PDCD4: variants seen among roughly 807,000 people sequenced by gnomAD.
PDCD4 encodes the protein programmed cell death 4.
A neutral mutation model predicts 54.0 loss-of-function variants in PDCD4; 56 were observed. The observed-to-expected ratio is 1.04, with a 90% confidence interval of 0.84 to 1.30. The LOEUF (loss-of-function observed/expected upper bound fraction) is 1.30, where lower values mean the gene tolerates loss of function less well. Ranked by LOEUF, PDCD4 falls within the 50% of genes most tolerant of loss-of-function variation. The probability of loss-of-function intolerance (pLI) is 0.00; values close to 1 mark genes in which losing one functional copy is unlikely to be tolerated. For synonymous variants in PDCD4, 186 were observed against 194.8 expected (o/e 0.95, Z 0.37); for missense variants, 584 against 559.8 (o/e 1.04, Z -0.44).
rs147711986 is a variant in PDCD4 at position 110,883,402 on chromosome 10, T to C, written c.441+305T>C. On this transcript the variant is annotated intron_variant, in intron 4 of 11. Coordinates refer to ENST00000280154, the MANE Select transcript of PDCD4 (RefSeq NM_014456.5). ...TCTTTTGAATATTATGAGTTACAGA[T>C]ATTAGATTCCTTTTAAATATTACTG... Among the ~76,000 whole-genome samples the C allele has an allele frequency of 1.4e-4, 22 of 152,342 alleles. 1 individual carries two copies. The East Asian group carries it at 4.2e-3, about 29-fold the overall frequency.
intron 1 of PDCD4, among the ~76,000 whole-genome samples, chr10:110,872,556 G>T (rs1845431289): frequency 6.6e-6 from 1 of 152,174 alleles, no homozygotes; most frequent in East Asian, 1.9e-4. Flanking sequence ...TCCGGGGGCC[G>T]ACCCGGGCTG....
In PDCD4 at chr10:110,881,480, A is replaced by C; in HGVS notation, c.291A>C (p.Gly97=). 1 of 1,614,080 alleles carries C rather than the reference A, an allele frequency of 6.2e-7. No homozygotes were observed. Among genetic ancestry groups the C allele is most frequent in the Non-Finnish European group, 8.5e-7 (1 of 1,179,960 alleles). Residue 97 remains glycine (G), a synonymous_variant, in exon 3 of 12, where the codon GGA becomes GGC. Coordinates refer to ENST00000280154, the MANE Select transcript of PDCD4 (RefSeq NM_014456.5). ...SGLTVPTSPK[G]RLLDRRSRSG... ...TAACTGTGCCAACCAGTCCAAAGGG[A>C]AGGTTGCTGGATAGGCGATCCAGAT... is the stretch of plus-strand genomic sequence containing the variant.
chr10:110,889,688 C>A, intron 7 of PDCD4, 58 bp downstream of exon 7: 1 of 938,782 alleles, frequency 1.1e-6, no homozygotes, highest in South Asian at 1.4e-5. Context: ...TCTACAGGAT[C>A]CTATTGAAAT....
Position 110,890,662 on chromosome 10 carries a change from G to A in PDCD4, c.982G>A (p.Val328Ile), listed in dbSNP as rs1436162730. Residue 328 changes from valine to isoleucine, a missense_variant, in exon 8 of 12, where the codon GTT becomes ATT. Val to Ile is a conservative substitution (Grantham distance 29, BLOSUM62 3). Coordinates refer to ENST00000280154, the MANE Select transcript of PDCD4 (RefSeq NM_014456.5). The stretch of plus-strand genomic sequence containing the variant: ...TGGGCAGCAATCTGTCAATCACCTT[G>A]TTAAAGAGGTAATGATTGGGTATTG... ...GGGQQSVNHL[V>I]KEIDMLLKEY... is the part of the protein sequence containing the mutation. The A allele has an allele frequency of 1.3e-6, 2 of 1,586,476 alleles. No individual in the cohort carries two copies. Among genetic ancestry groups the A allele is most frequent in the Admixed American group, 1.7e-5 (1 of 59,770 alleles).
chr10:110,896,184 T>G, intron 11 of PDCD4, 97 bp downstream of exon 11: 1 of 870,600 alleles, frequency 1.1e-6, no homozygotes, highest in Non-Finnish European at 1.8e-6. Flanking sequence ...CTGAAGTCAC[T>G]GAAGAACGTG....
At chr10:110,880,820 A>C (rs1371510926) in intron 2 of PDCD4, among the ~76,000 whole-genome samples, 3 of 152,328 alleles carry the variant, frequency 2.0e-5, no homozygotes, top group African/African-American at 7.2e-5. Context: ...TTCTATAAAT[A>C]TTAGTTTATC....
At position 110,899,576 on chromosome 10, in the gene PDCD4, T is replaced by A. The variant is rs974284621; in HGVS notation, c.*1488T>A. Reference sequence around the variant, plus strand: ...ACTTTGGGAGGCCGAGGTGGGCGGATCACTTGAGGTTGGGAGTTCATGACC... The same window carrying A: ...ACTTTGGGAGGCCGAGGTGGGCGGAACACTTGAGGTTGGGAGTTCATGACC... On this transcript the variant is annotated 3_prime_UTR_variant, in exon 12 of 12. Coordinates refer to ENST00000280154, the MANE Select transcript of PDCD4 (RefSeq NM_014456.5). The A allele has an allele frequency of 1.3e-5, 2 of 152,284 alleles. No homozygotes were observed. Among genetic ancestry groups the A allele is most frequent in the Admixed American group, 6.5e-5 (1 of 15,278 alleles). 9.4% of individuals were successfully genotyped at this position (152,284 alleles called of 1,614,324 possible). A position where few individuals can be genotyped will look rare whatever the true frequency, so the allele number is the denominator to read the frequency against.
intron 1 of PDCD4, among the ~76,000 whole-genome samples, chr10:110,874,911 C>T (rs1313288239): frequency 2.6e-5 from 4 of 152,148 alleles, no homozygotes; most frequent in Non-Finnish European, 1.5e-5. Flanking sequence ...ATGTGCTTTT[C>T]TGTAATTAAT....
Position 110,898,152 on chromosome 10 carries a change from G to C in PDCD4, c.*64G>C, listed in dbSNP as rs763911359. 1.6e-6 allele frequency: 1 copy of C among 626,068 alleles called. No individual in the cohort carries two copies. The highest frequency in any genetic ancestry group is 2.3e-6 in the Non-Finnish European group (1 of 440,304). The allele number at this position is 626,068 out of a possible 1,614,324, so 38.8% of individuals were successfully genotyped here. A position where few individuals can be genotyped will look rare whatever the true frequency, so the allele number is the denominator to read the frequency against. ...TATATCTGAATTGTAAGAGTTGTTA[G>C]CACAAGTTTTTTTTTTTTTTTTTTT... On this transcript the variant is annotated 3_prime_UTR_variant, in exon 12 of 12. Coordinates refer to ENST00000280154, the MANE Select transcript of PDCD4 (RefSeq NM_014456.5).
rs1443368239 is a variant in PDCD4 at position 110,894,100 on chromosome 10, C to G, written c.1000C>G (p.Leu334Val). The part of the protein sequence containing the change: ...VNHLVKEIDM[L>V]LKEYLLSGDI... ...CTTTTAAATCTAATAGATTGATATG[C>G]TGCTGAAAGAATATTTACTCTCTGG... Residue 334 changes from leucine to valine, a missense_variant, in exon 9 of 12, where the codon CTG becomes GTG. By Grantham distance (32) the Leu-to-Val change is conservative. Coordinates refer to ENST00000280154, the MANE Select transcript of PDCD4 (RefSeq NM_014456.5). The G allele has an allele frequency of 1.3e-6, 2 of 1,588,524 alleles. No homozygotes were observed. Among genetic ancestry groups the G allele is most frequent in the Non-Finnish European group, 1.7e-6 (2 of 1,157,806 alleles).
intron 10 of PDCD4, 34 bp downstream of exon 10, chr10:110,894,556 G>A: frequency 1.1e-6 from 1 of 917,428 alleles, no homozygotes; most frequent in Non-Finnish European, 1.8e-6. Context: ...CAACTTGTAG[G>A]ATTATGTCTT....
chr10:110,893,089 A>G (rs1172839010), intron 8 of PDCD4, among the ~76,000 whole-genome samples: 2 of 152,040 alleles, frequency 1.3e-5, no homozygotes, highest in African/African-American at 4.8e-5. Context: ...TTTTGTGAGT[A>G]TACTCTATGA....
In PDCD4 at chr10:110,899,390, GTTT is replaced by G. The variant is rs1470554249; in HGVS notation, c.*1305_*1307del. The G allele has an allele frequency of 6.6e-6, 1 of 152,074 alleles. No homozygotes were observed. Among genetic ancestry groups the G allele is most frequent in the African/African-American group, 2.4e-5 (1 of 41,400 alleles). The allele number at this position is 152,074 out of a possible 1,614,324, so 9.4% of individuals were successfully genotyped here. A position where few individuals can be genotyped will look rare whatever the true frequency, so the allele number is the denominator to read the frequency against. Reference sequence around the variant, plus strand: ...GCTTATATATAGTTACCATTTTTAGGTTTTTAATTGTTTGACACTTGGATGATA... The same window carrying G: ...GCTTATATATAGTTACCATTTTTAGGTTAATTGTTTGACACTTGGATGATA... On this transcript the variant is annotated 3_prime_UTR_variant, in exon 12 of 12. Transcript: ENST00000280154.
intron 6 of PDCD4, among the ~76,000 whole-genome samples, 156 bp downstream of exon 6, chr10:110,888,042 T>C (rs907218222): frequency 1.3e-5 from 2 of 152,172 alleles, no homozygotes; most frequent in Non-Finnish European, 2.9e-5. Context: ...ATGTATTTTT[T>C]CCTAGTTCTT....
Position 110,898,157 on chromosome 10 carries a change from AGTTTT to A in PDCD4, c.*70_*74del, listed in dbSNP as rs759575771. The A allele has an allele frequency of 3.0e-6, 2 of 672,996 alleles. No homozygotes were observed. The highest frequency in any genetic ancestry group is 7.8e-5 in the South Asian group (2 of 25,802). The allele number at this position is 672,996 out of a possible 1,614,324, so 41.7% of individuals were successfully genotyped here. A position where few individuals can be genotyped will look rare whatever the true frequency, so the allele number is the denominator to read the frequency against. ...CTGAATTGTAAGAGTTGTTAGCACA[AGTTTT>A]TTTTTTTTTTTTTTTTAAGCACTTG... On this transcript the variant is annotated 3_prime_UTR_variant, in exon 12 of 12. Coordinates refer to ENST00000280154, the MANE Select transcript of PDCD4 (RefSeq NM_014456.5).
chr10:110,876,081 A>G lies in PDCD4; in HGVS notation c.43+11A>G, dbSNP rs745451594. 6.2e-6 allele frequency: 10 copies of G among 1,602,042 alleles called. No individual in the cohort carries two copies. The highest frequency in any genetic ancestry group is 4.5e-5 in the East Asian group (2 of 44,276). ...ATGTAAACCCTGCAGGTAAGTAAGGATATCCTTTTTTCTTTTTTTCTTCGT... is the reference window on the plus strand; with the variant it reads ...ATGTAAACCCTGCAGGTAAGTAAGGGTATCCTTTTTTCTTTTTTTCTTCGT... On this transcript the variant is annotated intron_variant, in intron 2 of 11. Coordinates refer to ENST00000280154, the MANE Select transcript of PDCD4 (RefSeq NM_014456.5).
rs138010548 is a variant in PDCD4 at position 110,898,260 on chromosome 10, C to CT, written c.*182dup. 6.0e-3 allele frequency: 2,021 copies of CT among 334,410 alleles called. No individual in the cohort carries two copies. Among genetic ancestry groups the CT allele is most frequent in the Middle Eastern group, 7.1e-3 (9 of 1,276 alleles). 20.7% of individuals were successfully genotyped at this position (334,410 alleles called of 1,614,324 possible). ...GGAATTTTTAAAGGAAATGTTTTTT[C>CT]TTTTTTTTTTGTTTTTCGAGGGGGC... On this transcript the variant is annotated 3_prime_UTR_variant, in exon 12 of 12. Transcript: ENST00000280154.
At chr10:110,894,642 A>G (rs1401219739) in intron 10 of PDCD4, 120 bp downstream of exon 10, 3 of 443,758 alleles carry the variant, frequency 6.8e-6, no homozygotes, top group African/African-American at 2.1e-5. Flanking sequence ...ATATGCCTAT[A>G]TGTTTTGTTT....
chr10:110,888,005 A>G (rs1268540516), intron 6 of PDCD4, 119 bp downstream of exon 6: 5 of 604,308 alleles, frequency 8.3e-6, no homozygotes, highest in South Asian at 2.2e-5. Context: ...ATTTCCTACG[A>G]CACCGAAATA....
Sources: gnomAD v4.1 joint callset for allele counts (sites outside exome capture counted in the v4.1 genomes callset) on GRCh38, gnomAD v4.1.1 for gene constraint, MANE v1.5 for transcripts, NCBI Gene and HGNC (gene_info 2026-07-23, HGNC 2026-07-21) for gene names.